Variants in TEX22 observed in about 807,000 individuals in gnomAD.
TEX22 encodes testis expressed 22.
In TEX22, 16 loss-of-function variants were observed where a neutral mutation model predicts 11.3. That is an observed-to-expected ratio of 1.42 (90% CI 0.96 to 2.15). The LOEUF (loss-of-function observed/expected upper bound fraction) is 2.15, where lower values mean the gene tolerates loss of function less well. Ranked by LOEUF, TEX22 falls within the 30% of genes most tolerant of loss-of-function variation. The pLI is 0.00. For missense variants in TEX22, 220 were observed against 208.6 expected (o/e 1.05, Z -0.34); for synonymous variants, 97 against 92.3 (o/e 1.05, Z -0.29).
intron 2 of TEX22, among the ~76,000 whole-genome samples, chr14:105,402,551 A>T (rs141219167): frequency 1.3e-5 from 2 of 150,968 alleles, no homozygotes; most frequent in African/African-American, 2.5e-5. Context: ...TCTGGAGATC[A>T]AGACCATCCT....
intron 2 of TEX22, among the ~76,000 whole-genome samples, chr14:105,409,498 C>CTTTT (rs1421021622): frequency 1.3e-4 from 19 of 145,768 alleles, no homozygotes; most frequent in African/African-American, 5.1e-4. Context: ...ACTTCTTCTT[C>CTTTT]TTCTTTTTTT....
At chr14:105,399,583 GCAGCC>G in intron 2 of TEX22, 93 bp downstream of exon 2, 1 of 1,370,332 alleles carries the variant, frequency 7.3e-7, no homozygotes, top group Non-Finnish European at 9.7e-7. Flanking sequence ...GTCGTGATGA[GCAGCC>G]TCAGGGGAGG....
intron 2 of TEX22, among the ~76,000 whole-genome samples, chr14:105,401,201 G>C (rs1156244471): frequency 2.6e-5 from 4 of 152,148 alleles, no homozygotes; most frequent in African/African-American, 9.7e-5. Context: ...CACATAGTAG[G>C]TGCTCAATGA....
intron 1 of TEX22, among the ~76,000 whole-genome samples, chr14:105,398,966 C>T (rs2081605406): frequency 6.6e-6 from 1 of 152,212 alleles, no homozygotes; most frequent in Admixed American, 6.5e-5. Flanking sequence ...AGAGCGTGCC[C>T]GCAGTGCTGG....
Position 105,411,813 on chromosome 14 carries a change from T to C in TEX22, c.433T>C (p.Ser145Pro). The part of the protein sequence containing the change: ...PFWHNATFEA[S>P]RSPPS ...CTGGCATAATGCGACTTTCGAGGCCTCGAGGTCACCCCCTTCCTAAGAGCC... is the reference window on the plus strand; with the variant it reads ...CTGGCATAATGCGACTTTCGAGGCCCCGAGGTCACCCCCTTCCTAAGAGCC... The change falls in exon 4 of 4, where the codon TCG (serine) becomes CCG (proline). Residue 145 changes from serine (S) to proline (P), a missense_variant. Coordinates refer to ENST00000451127, the MANE Select transcript of TEX22 (RefSeq NM_001195082.2). 1 of 1,446,170 alleles carries C rather than the reference T, an allele frequency of 6.9e-7. No homozygotes were observed. The highest frequency in any genetic ancestry group is 1.8e-4 in the Middle Eastern group (1 of 5,606). 89.6% of individuals were successfully genotyped at this position (1,446,170 alleles called of 1,614,324 possible).
chr14:105,400,116 A>G (rs1307006433), intron 2 of TEX22, among the ~76,000 whole-genome samples: 4 of 152,330 alleles, frequency 2.6e-5, no homozygotes, highest in South Asian at 2.1e-4. Context: ...GGAAGGTTCA[A>G]AGCCAGGCTG....
In TEX22 at chr14:105,402,074, T is replaced by G. The variant is rs374638718; in HGVS notation, c.150+2584T>G. Among the ~76,000 whole-genome samples the G allele has an allele frequency of 2.0e-5, 3 of 152,192 alleles. No homozygotes were observed. In the South Asian group the frequency reaches 6.2e-4, roughly 32 times the overall value. On this transcript the variant is annotated intron_variant, in intron 2 of 3. Coordinates refer to ENST00000451127, the MANE Select transcript of TEX22 (RefSeq NM_001195082.2). Reference sequence around the variant, plus strand: ...GGTGGTGGGTGCCTATAATCCCAGCTACTTGGGAGGCTGAGGCAGGAGAAT... The same window carrying G: ...GGTGGTGGGTGCCTATAATCCCAGCGACTTGGGAGGCTGAGGCAGGAGAAT...
intron 2 of TEX22, among the ~76,000 whole-genome samples, chr14:105,404,137 TC>T (rs1443769778): frequency 2.6e-5 from 4 of 152,242 alleles, no homozygotes; most frequent in Non-Finnish European, 5.9e-5. Context: ...AGTCAACACT[TC>T]AGTCATCTCA....
chr14:105,399,154 G>T, intron 1 of TEX22, 148 bp from the exon 2 acceptor site: 1 of 592,380 alleles, frequency 1.7e-6, no homozygotes. Flanking sequence ...ACTCCACCCA[G>T]AGGGGTCAGT....
intron 2 of TEX22, among the ~76,000 whole-genome samples, chr14:105,402,981 A>G (rs1452729446): frequency 6.6e-6 from 1 of 152,128 alleles, no homozygotes; most frequent in Non-Finnish European, 1.5e-5. Context: ...CTGGACCCCA[A>G]GAGAGGGTTT....
At chr14:105,400,975 G>A (rs1224858478) in intron 2 of TEX22, among the ~76,000 whole-genome samples, 1 of 152,212 alleles carries the variant, frequency 6.6e-6, no homozygotes, top group African/African-American at 2.4e-5. Context: ...AGTGCCAGAA[G>A]AGAACAGAGG....
chr14:105,407,649 C>T (rs142702938), intron 2 of TEX22, among the ~76,000 whole-genome samples: 10 of 152,274 alleles, frequency 6.6e-5, no homozygotes, highest in African/African-American at 2.4e-4. Flanking sequence ...GGATTACAGA[C>T]GAGAGCCACT....
intron 2 of TEX22, among the ~76,000 whole-genome samples, chr14:105,409,523 CAG>C (rs2081677476): frequency 7.2e-6 from 1 of 139,462 alleles, no homozygotes; most frequent in Admixed American, 7.2e-5. Context: ...TTTTTTGAGA[CAG>C]AGTCTTGCAC....
chr14:105,404,283 A>G (rs1005548858), intron 2 of TEX22, among the ~76,000 whole-genome samples: 4 of 152,190 alleles, frequency 2.6e-5, no homozygotes, highest in Non-Finnish European at 4.4e-5. Flanking sequence ...TATCCTCAGT[A>G]TGGGGGCTGG....
chr14:105,402,012 C>T (rs1315534976), intron 2 of TEX22, among the ~76,000 whole-genome samples: 1 of 152,098 alleles, frequency 6.6e-6, no homozygotes, highest in East Asian at 1.9e-4. Context: ...GGGATGAAAC[C>T]CCGTCTCTAT....
Position 105,411,362 on chromosome 14 carries a change from C to A in TEX22, c.151-6C>A. The A allele has an allele frequency of 7.5e-7, 1 of 1,331,578 alleles. No individual in the cohort carries two copies. The highest frequency in any genetic ancestry group is 3.3e-5 in the Admixed American group (1 of 30,036). The allele number at this position is 1,331,578 out of a possible 1,614,324, so 82.5% of individuals were successfully genotyped here. On this transcript the variant is annotated splice_region_variant and splice_polypyrimidine_tract_variant and intron_variant, in intron 2 of 3. Coordinates refer to ENST00000451127, the MANE Select transcript of TEX22 (RefSeq NM_001195082.2). Reference sequence around the variant, plus strand: ...GCCCTCGCCGACCCGCTGCCCTGTCCCCCAGGTGTGCGAGCCGCCGGAACG... The same window carrying A: ...GCCCTCGCCGACCCGCTGCCCTGTCACCCAGGTGTGCGAGCCGCCGGAACG...
chr14:105,402,101 G>T (rs1176452428), intron 2 of TEX22, among the ~76,000 whole-genome samples: 2 of 152,126 alleles, frequency 1.3e-5, no homozygotes, highest in African/African-American at 4.8e-5. Flanking sequence ...CAGGAGAATT[G>T]CTTGAACCTG....
At chr14:105,403,997 A>C (rs1300092111) in intron 2 of TEX22, among the ~76,000 whole-genome samples, 1 of 152,242 alleles carries the variant, frequency 6.6e-6, no homozygotes, top group Non-Finnish European at 1.5e-5. Context: ...CTGCATGACA[A>C]ATTTCCCCAG....
intron 2 of TEX22, among the ~76,000 whole-genome samples, chr14:105,404,218 G>A (rs1415222878): frequency 6.6e-6 from 1 of 152,188 alleles, no homozygotes; most frequent in Admixed American, 6.5e-5. Context: ...CATGATAGGG[G>A]CTGGCAGGAG....
Sources: gnomAD v4.1 joint callset for allele counts (sites outside exome capture counted in the v4.1 genomes callset) on GRCh38, gnomAD v4.1.1 for gene constraint, MANE v1.5 for transcripts, NCBI Gene and HGNC (gene_info 2026-07-23, HGNC 2026-07-21) for gene names.